Variants in CDK5RAP2 observed in about 807,000 individuals in gnomAD.
CDK5RAP2 encodes the protein CDK5 regulatory subunit associated protein 2, also known as CDK5 regulatory subunit-associated protein 2.
CDK5RAP2 carries 147 observed loss-of-function variants against 232.9 expected under a neutral mutation model. The ratio of observed to expected loss-of-function variants is 0.63; its 90% confidence interval spans 0.55 to 0.72. The LOEUF (loss-of-function observed/expected upper bound fraction) is 0.72. Ranked by LOEUF, CDK5RAP2 falls within the 30% of genes least tolerant of loss-of-function variation. The probability of loss-of-function intolerance (pLI) is 0.00; values close to 1 mark genes in which losing one functional copy is unlikely to be tolerated. For missense variants in CDK5RAP2, 2,195 were observed against 2,231.5 expected, an observed-to-expected ratio of 0.98 and a Z score of 0.33; for synonymous variants, 833 against 833.7, an observed-to-expected ratio of 1.00 and a Z score of 0.01.
chr9:120,578,800 CAA>C (rs2043136147), intron 1 of CDK5RAP2, among the ~76,000 whole-genome samples: 1 of 152,148 alleles, frequency 6.6e-6, no homozygotes, highest in Admixed American at 6.6e-5. Context: ...CTCCTGAGCT[CAA>C]GAAATCGGCC....
At chr9:120,503,599 ACTG>A (rs1460677333) in intron 12 of CDK5RAP2, among the ~76,000 whole-genome samples, 2 of 152,180 alleles carry the variant, frequency 1.3e-5, no homozygotes, top group African/African-American at 4.8e-5. Flanking sequence ...TCCTGCCTCT[ACTG>A]CTAACTGGCA....
chr9:120,437,078 T>C (rs546237611), intron 25 of CDK5RAP2, among the ~76,000 whole-genome samples: 47 of 152,214 alleles, frequency 3.1e-4, no homozygotes, highest in Non-Finnish European at 4.6e-4. Context: ...CCCTGAGGCG[T>C]CTAAACTGGA....
At position 120,497,050 on chromosome 9, in the gene CDK5RAP2, A is replaced by G. The variant is rs537388761; in HGVS notation, c.1312-5573T>C. 1.4e-3 allele frequency among the ~76,000 whole-genome samples: 183 copies of G among 132,282 alleles called. 7 individuals carry two copies. The highest frequency in any genetic ancestry group is 3.5e-3 in the Admixed American group (48 of 13,860). 86.8% of individuals were successfully genotyped at this position (132,282 alleles called of 152,430 possible). A position where few individuals can be genotyped will look rare whatever the true frequency, so the allele number is the denominator to read the frequency against. On this transcript the variant is annotated intron_variant, in intron 12 of 37. Coordinates refer to ENST00000349780, the MANE Select transcript of CDK5RAP2 (RefSeq NM_018249.6). ...AAGAAGTAGACATGGGAGACTTTTC[A>G]TTTTGTTCTGCACTAAGAAAAATTC...
rs559479477 is a variant in CDK5RAP2, at chr9:120,555,422, G to A, written c.196-4520C>T. Among the ~76,000 whole-genome samples, 11 of 152,202 alleles carry A rather than the reference G, an allele frequency of 7.2e-5. No homozygotes were observed. The South Asian group carries it at 2.3e-3, about 32-fold the overall frequency. ...CAAAGTGCTGGGATTACAGGCGTGA[G>A]CCACCCTGCCTGGCCCGGCAGATCA... On this transcript the variant is annotated intron_variant, in intron 3 of 37. Transcript: ENST00000349780.
Position 120,407,208 on chromosome 9 carries a change from C to G in CDK5RAP2, c.4767G>C (p.Arg1589Ser). The G allele has an allele frequency of 6.2e-7, 1 of 1,613,666 alleles. No homozygotes were observed. Among genetic ancestry groups the G allele is most frequent in the Non-Finnish European group, 8.5e-7 (1 of 1,180,032 alleles). ...GEGWKGQDPF[R>S]DLHSLLMEIQ... ...TCTCCATCAGGAGGCTGTGCAGGTC[C>G]CTGAAAGGATCCTGCCCCTTCCAGC... The change falls in exon 32 of 38, where the codon AGG becomes AGC. Residue 1589 changes from arginine to serine, a missense_variant. Physicochemically the swap from Arg to Ser is moderately radical, Grantham distance 110. Transcript: ENST00000349780.
rs1159685752 is a variant in CDK5RAP2, at chr9:120,545,728, C to T, written c.369G>A (p.Leu123=). 2 of 1,613,688 alleles carry T rather than the reference C, an allele frequency of 1.2e-6. No individual in the cohort carries two copies. Among genetic ancestry groups the T allele is most frequent in the Admixed American group, 3.3e-5 (2 of 60,024 alleles). Residue 123 remains leucine, a synonymous_variant, in exon 5 of 38, where the codon CTG becomes CTA. Transcript: ENST00000349780. ...LKRELQEREQ[L]LIKASKAVES... ...ATGGTACTCACGAGGCTTTGATGAGCAGCTGCTCTCTCTCCTGGAGTTCCC... is the reference window on the plus strand; with the variant it reads ...ATGGTACTCACGAGGCTTTGATGAGTAGCTGCTCTCTCTCCTGGAGTTCCC...
intron 5 of CDK5RAP2, among the ~76,000 whole-genome samples, chr9:120,540,973 C>A (rs1037320663): frequency 6.6e-6 from 1 of 152,368 alleles, no homozygotes; most frequent in East Asian, 1.9e-4. Flanking sequence ...CATCACCCCC[C>A]ACTCCCGGGG....
At chr9:120,538,959 T>A in intron 6 of CDK5RAP2, 82 bp downstream of exon 6, 2 of 1,459,594 alleles carry the variant, frequency 1.4e-6, no homozygotes, top group Non-Finnish European at 1.9e-6. Flanking sequence ...ACTGACGGTT[T>A]ATAAAAAAAG....
chr9:120,539,276 C>T, intron 5 of CDK5RAP2, 112 bp from the exon 6 acceptor site: 1 of 1,320,644 alleles, frequency 7.6e-7, no homozygotes, highest in South Asian at 1.2e-5. Context: ...CAGACCTGTG[C>T]TGAGCTTCTT....
In CDK5RAP2 at chr9:120,498,026, G is replaced by C. The variant is rs534873710; in HGVS notation, c.1312-6549C>G. ...GCTCCTTGCTCTCCCAGGATGGATT[G>C]TATCTTGAGTTAAAAGAACCTGCTC... On this transcript the variant is annotated intron_variant, in intron 12 of 37. Coordinates refer to ENST00000349780, the MANE Select transcript of CDK5RAP2 (RefSeq NM_018249.6). 3.9e-5 allele frequency among the ~76,000 whole-genome samples: 6 copies of C among 152,284 alleles called. No individual in the cohort carries two copies. The South Asian group carries it at 1.2e-3, about 32-fold the overall frequency.
rs1474257355 is a variant in CDK5RAP2, at chr9:120,496,881, T to C, written c.1312-5404A>G. On this transcript the variant is annotated intron_variant, in intron 12 of 37. Transcript: ENST00000349780. ...CCTACTGGGAGGTGGGGAGCCCCTC[T>C]GCCCGGCCACCACCCTGTCTGGGAG... Among the ~76,000 whole-genome samples, 26 of 141,482 alleles carry C rather than the reference T, an allele frequency of 1.8e-4. 3 individuals are homozygous for C. Among genetic ancestry groups the C allele is most frequent in the Non-Finnish European group, 3.3e-4 (22 of 66,986 alleles). 92.8% of individuals were successfully genotyped at this position (141,482 alleles called of 152,430 possible).
intron 25 of CDK5RAP2, among the ~76,000 whole-genome samples, chr9:120,433,949 G>A (rs981788591): frequency 1.3e-5 from 2 of 152,256 alleles, no homozygotes; most frequent in African/African-American, 4.8e-5. Flanking sequence ...CTATATCCTA[G>A]CACTACAGCA....
rs749881888 is a variant in CDK5RAP2, at chr9:120,448,112, G to A, written c.2808C>T (p.Ser936=). 7 of 1,613,658 alleles carry A rather than the reference G, an allele frequency of 4.3e-6. No homozygotes were observed. The East Asian group carries it at 1.6e-4, about 36-fold the overall frequency. Residue 936 remains serine, a synonymous_variant, in exon 22 of 38, where the codon TCC becomes TCT. Coordinates refer to ENST00000349780, the MANE Select transcript of CDK5RAP2 (RefSeq NM_018249.6). ...ATGGTTTTATTAGGATTGGCAAGCG[G>A]GACTTCTTAGCCTCCTGAAAACACA... is the stretch of plus-strand genomic sequence containing the variant. ...PGITNREAKK[S]RLPILIKPSR...
chr9:120,544,988 A>T lies in CDK5RAP2; in HGVS notation c.383+726T>A, dbSNP rs572958648. Among the ~76,000 whole-genome samples the T allele has an allele frequency of 7.9e-5, 12 of 152,308 alleles. 1 individual carries two copies. The highest frequency in any genetic ancestry group is 7.8e-4 in the Admixed American group (12 of 15,304). On this transcript the variant is annotated intron_variant, in intron 5 of 37. Coordinates refer to ENST00000349780, the MANE Select transcript of CDK5RAP2 (RefSeq NM_018249.6). The stretch of plus-strand genomic sequence containing the variant: ...TTACGAATGAGTGAAAAATCAATTG[A>T]TTCACTGACTGTATTTGCTGAACTG...
At chr9:120,481,504 TTTTTTTTTTTTTC>T (rs929195037) in intron 14 of CDK5RAP2, among the ~76,000 whole-genome samples, 2 of 146,042 alleles carry the variant, frequency 1.4e-5, no homozygotes, top group African/African-American at 5.3e-5. Flanking sequence ...ATTGTTTTCT[TTTTTTTTTTTTTC>T]TTTTTTTTTT....
chr9:120,470,253 G>C (rs199940917), intron 16 of CDK5RAP2, 33 bp from the exon 17 acceptor site: 6 of 1,056,318 alleles, frequency 5.7e-6, no homozygotes, highest in Non-Finnish European at 8.5e-6. Flanking sequence ...AGGTGGGGAG[G>C]GGGAGGAGAA....
rs761103028 is a variant in CDK5RAP2 at position 120,409,231 on chromosome 9, G to A, written c.4500C>T (p.Ser1500=). 15 of 1,613,866 alleles carry A rather than the reference G, an allele frequency of 9.3e-6. No individual in the cohort carries two copies. Among genetic ancestry groups the A allele is most frequent in the Middle Eastern group, 1.6e-4 (1 of 6,082 alleles). ...SLEHLQREYA[S]VKEENERLQK... ...GCAGCCTTTCATTTTCTTCCTTCAC[G>A]CTGGCATACTCCCGCTGAAGGTGCT... The change falls in exon 30 of 38, where the codon AGC becomes AGT. Residue 1500 remains serine, a synonymous_variant. Transcript: ENST00000349780.
At chr9:120,562,938 C>T (rs1218087922) in intron 3 of CDK5RAP2, among the ~76,000 whole-genome samples, 1 of 152,126 alleles carries the variant, frequency 6.6e-6, no homozygotes, top group Non-Finnish European at 1.5e-5. Flanking sequence ...ATTCAATCAA[C>T]AAATATTAGA....
At chr9:120,417,793 A>C (rs2034322655) in intron 27 of CDK5RAP2, among the ~76,000 whole-genome samples, 1 of 149,650 alleles carries the variant, frequency 6.7e-6, no homozygotes, top group African/African-American at 2.4e-5. Context: ...AGCAACCACA[A>C]AAAAAAAAAG....
Sources: allele counts gnomAD v4.1 joint callset (sites outside exome capture counted in the v4.1 genomes callset), GRCh38; gene constraint gnomAD v4.1.1; transcripts MANE v1.5; gene names NCBI Gene and HGNC (gene_info 2026-07-23, HGNC 2026-07-21).